Variants in MBTD1 observed in about 807,000 individuals in gnomAD.
The protein encoded by MBTD1 is MBT domain-containing protein 1.
A neutral mutation model predicts 87.8 loss-of-function variants in MBTD1; 24 were observed. That is an observed-to-expected ratio of 0.27 (90% CI 0.20 to 0.38). The LOEUF is 0.38. MBTD1 is among the 10% of genes least tolerant of loss of function. MBTD1 has a pLI of 1.00. For synonymous variants in MBTD1, 237 were observed against 248.6 expected, an observed-to-expected ratio of 0.95 and a Z score of 0.44; for missense variants, 436 against 760.2, an observed-to-expected ratio of 0.57 and a Z score of 5.02.
intron 6 of MBTD1, among the ~76,000 whole-genome samples, chr17:51,212,483 G>C (rs1482320493): frequency 1.3e-5 from 2 of 148,654 alleles, no homozygotes; most frequent in Non-Finnish European, 3.0e-5. Flanking sequence ...ATTTGAGGGA[G>C]AAAATGGGAT....
chr17:51,231,837 C>G (rs997089060), intron 2 of MBTD1, among the ~76,000 whole-genome samples: 2 of 151,736 alleles, frequency 1.3e-5, no homozygotes, highest in African/African-American at 4.8e-5. Context: ...TTCCCCCTTG[C>G]AAACACTACA....
intron 6 of MBTD1, among the ~76,000 whole-genome samples, chr17:51,213,128 T>G (rs1050266253): frequency 6.6e-6 from 1 of 152,178 alleles, no homozygotes; most frequent in African/African-American, 2.4e-5. Flanking sequence ...AGCCCTGACC[T>G]CCTGGGCTCA....
At chr17:51,229,290 C>T (rs955110471) in intron 2 of MBTD1, among the ~76,000 whole-genome samples, 4 of 152,094 alleles carry the variant, frequency 2.6e-5, no homozygotes, top group African/African-American at 9.7e-5. Flanking sequence ...TTTTGCTACA[C>T]AGATACAGTT....
chr17:51,198,350 GACC>G (rs1020811947), intron 12 of MBTD1, among the ~76,000 whole-genome samples: 20 of 152,300 alleles, frequency 1.3e-4, no homozygotes, highest in African/African-American at 4.6e-4. Context: ...CGGATGACTT[GACC>G]AAGTGTTTAA....
chr17:51,259,543 C>T (rs1054542281), intron 1 of MBTD1, among the ~76,000 whole-genome samples: 17 of 152,104 alleles, frequency 1.1e-4, no homozygotes, highest in African/African-American at 3.6e-4. Flanking sequence ...CTAGCCAGAG[C>T]AGGGGGCGGG....
chr17:51,235,508 C>G (rs1449080023), intron 2 of MBTD1, among the ~76,000 whole-genome samples: 1 of 152,106 alleles, frequency 6.6e-6, no homozygotes, highest in Non-Finnish European at 1.5e-5. Flanking sequence ...TTAGCATGAC[C>G]AAGTATGTTC....
chr17:51,253,057 T>C (rs983068678), intron 2 of MBTD1, among the ~76,000 whole-genome samples: 1 of 152,100 alleles, frequency 6.6e-6, no homozygotes, highest in Non-Finnish European at 1.5e-5. Flanking sequence ...GTTTAATTAT[T>C]GTACTATCAA....
rs549966256 is a variant in MBTD1 at position 51,217,797 on chromosome 17, C to T, written c.404-381G>A. Among the ~76,000 whole-genome samples, 7 of 152,156 alleles carry T rather than the reference C, an allele frequency of 4.6e-5. No individual in the cohort carries two copies. The South Asian group carries it at 6.2e-4, about 14-fold the overall frequency. On this transcript the variant is annotated intron_variant, in intron 5 of 16. Transcript: ENST00000586178. ...CTAATTTTTGTATTTTTAGTAGAGA[C>T]GGGGTTTCACCATATTGGCCAGGCT...
intron 6 of MBTD1, among the ~76,000 whole-genome samples, chr17:51,216,348 T>C (rs2052568579): frequency 6.6e-6 from 1 of 152,190 alleles, no homozygotes; most frequent in Admixed American, 6.5e-5. Context: ...TTAATTAAAG[T>C]TGTAGTCAGG....
At chr17:51,244,013 A>C (rs2054295709) in intron 2 of MBTD1, among the ~76,000 whole-genome samples, 1 of 152,162 alleles carries the variant, frequency 6.6e-6, no homozygotes, top group Non-Finnish European at 1.5e-5. Context: ...TGGTGATGTT[A>C]ATGTTGATTA....
chr17:51,220,128 T>G (rs376207926), intron 4 of MBTD1, among the ~76,000 whole-genome samples: 72 of 152,260 alleles, frequency 4.7e-4, no homozygotes, highest in African/African-American at 1.7e-3. Context: ...TTTATTTGGA[T>G]AGTATGCCTT....
upstream of MBTD1, chr17:51,260,556 A>C: frequency 1.9e-6 from 3 of 1,596,044 alleles, no homozygotes; most frequent in Non-Finnish European, 2.6e-6. Context: ...GTTCCACGTG[A>C]GCGCCTGCGT....
chr17:51,216,525 T>C (rs1262931884), intron 6 of MBTD1, among the ~76,000 whole-genome samples: 4 of 152,180 alleles, frequency 2.6e-5, no homozygotes, highest in African/African-American at 9.6e-5. Context: ...TCATGATATA[T>C]ATATATAGCA....
chr17:51,215,376 A>AT (rs1208613464), intron 6 of MBTD1, among the ~76,000 whole-genome samples: 1 of 152,232 alleles, frequency 6.6e-6, no homozygotes, highest in African/African-American at 2.4e-5. Flanking sequence ...CAGAAAACAA[A>AT]ATGTTATGCT....
At chr17:51,224,365 ATTAGAAC>A (rs1373771026) in intron 3 of MBTD1, among the ~76,000 whole-genome samples, 3 of 152,244 alleles carry the variant, frequency 2.0e-5, no homozygotes, top group African/African-American at 7.2e-5. Context: ...AAAAGATGTC[ATTAGAAC>A]AAGGATTAGA....
chr17:51,221,597 G>T (rs905639453), intron 3 of MBTD1, among the ~76,000 whole-genome samples: 3 of 152,126 alleles, frequency 2.0e-5, no homozygotes, highest in Non-Finnish European at 4.4e-5. Context: ...CATGGGTTCT[G>T]TATCTGTGGA....
chr17:51,192,828 C>A lies in MBTD1; in HGVS notation c.1644G>T (p.Gly548=), dbSNP rs139518314. 5.0e-6 allele frequency: 8 copies of A among 1,614,020 alleles called. No homozygotes were observed. The African/African-American group carries it at 8.0e-5, about 16-fold the overall frequency. ...DCESPDLYPV[G]WCQLTGYQLQ... ...GTTGATATCCAGTTAACTGACACCACCCTACAGGATAGAGGTCAGGTGACT... is the reference window on the plus strand; with the variant it reads ...GTTGATATCCAGTTAACTGACACCAACCTACAGGATAGAGGTCAGGTGACT... The change falls in exon 15 of 17, where the codon GGG becomes GGT. Residue 548 remains glycine (G), a synonymous_variant. Coordinates refer to ENST00000586178, the MANE Select transcript of MBTD1 (RefSeq NM_017643.3).
intron 2 of MBTD1, among the ~76,000 whole-genome samples, chr17:51,227,269 T>A: frequency 1.5e-5 from 2 of 136,754 alleles, no homozygotes; most frequent in African/African-American, 2.8e-5. Context: ...AAAAAAAAAA[T>A]TGCTTTGCTG....
At chr17:51,244,802 T>C (rs1250503171) in intron 2 of MBTD1, among the ~76,000 whole-genome samples, 1 of 152,220 alleles carries the variant, frequency 6.6e-6, no homozygotes, top group East Asian at 1.9e-4. Context: ...ATACCTATGC[T>C]GCTCCAGCCC....
Sources: gnomAD v4.1 joint callset for allele counts (sites outside exome capture counted in the v4.1 genomes callset) on GRCh38, gnomAD v4.1.1 for gene constraint, MANE v1.5 for transcripts, NCBI Gene and HGNC (gene_info 2026-07-23, HGNC 2026-07-21) for gene names.